The following CACNA2D3 variants were observed in gnomAD, a reference collection of about 807,000 sequenced individuals.
The protein encoded by CACNA2D3 is voltage-dependent calcium channel subunit alpha-2/delta-3.
Under a neutral mutation model 160.6 loss-of-function variants are expected in CACNA2D3, and 60 were observed. That is an observed-to-expected ratio of 0.37 (90% CI 0.30 to 0.46). The LOEUF (loss-of-function observed/expected upper bound fraction) is 0.46. Ranked by LOEUF, CACNA2D3 falls within the 20% of genes least tolerant of loss-of-function variation. The probability of loss-of-function intolerance (pLI) is 1.00; values close to 1 mark genes in which losing one functional copy is unlikely to be tolerated. For missense variants in CACNA2D3, 1,205 were observed against 1,365.0 expected (o/e 0.88, Z 1.85); for synonymous variants, 558 against 492.9 (o/e 1.13, Z -1.75).
intron 27 of CACNA2D3, among the ~76,000 whole-genome samples, chr3:54,938,655 C>T (rs1313887022): frequency 6.6e-6 from 1 of 151,452 alleles, no homozygotes; most frequent in Admixed American, 6.6e-5. Flanking sequence ...GATATAGACT[C>T]AGTGTCTTCT....
intron 11 of CACNA2D3, among the ~76,000 whole-genome samples, chr3:54,697,351 C>A (rs912323342): frequency 2.8e-4 from 42 of 152,292 alleles, no homozygotes; most frequent in African/African-American, 1.0e-3. Context: ...GAGTCAGACT[C>A]AGGTATCTGC....
intron 5 of CACNA2D3, among the ~76,000 whole-genome samples, chr3:54,509,687 G>A (rs192680534): frequency 1.3e-5 from 2 of 152,118 alleles, no homozygotes; most frequent in Non-Finnish European, 2.9e-5. Context: ...AGCAATATGA[G>A]CATAATAGGA....
intron 2 of CACNA2D3, among the ~76,000 whole-genome samples, chr3:54,195,462 G>A (rs1321632649): frequency 6.6e-6 from 1 of 152,212 alleles, no homozygotes; most frequent in Non-Finnish European, 1.5e-5. Flanking sequence ...ATCATGTTAT[G>A]TAATATTTAT....
chr3:55,067,196 T>C (rs1027167551), intron 35 of CACNA2D3, among the ~76,000 whole-genome samples: 2 of 152,174 alleles, frequency 1.3e-5, no homozygotes, highest in African/African-American at 4.8e-5. Flanking sequence ...TGTGGGACTT[T>C]GAAAACAATG....
At position 54,122,739 on chromosome 3, in the gene CACNA2D3, G is replaced by T; in HGVS notation, c.26G>T (p.Arg9Leu). Residue 9 changes from arginine to leucine, a missense_variant, in exon 1 of 38, where the codon CGC becomes CTC. Transcript: ENST00000474759. MAGPGSPR[R>L]ASRGASALLA... ...ATGGCCGGGCCGGGCTCGCCGCGCC[G>T]CGCGTCCCGGGGGGCCTCGGCGCTT... The T allele has an allele frequency of 8.2e-7, 1 of 1,214,284 alleles. No individual in the cohort carries two copies. The allele number at this position is 1,214,284 out of a possible 1,614,324, so 75.2% of individuals were successfully genotyped here. A position where few individuals can be genotyped will look rare whatever the true frequency, so the allele number is the denominator to read the frequency against.
intron 8 of CACNA2D3, among the ~76,000 whole-genome samples, chr3:54,573,536 CAG>C (rs1434847730): frequency 6.6e-6 from 1 of 152,190 alleles, no homozygotes; most frequent in Non-Finnish European, 1.5e-5. Context: ...ATTTGAATAA[CAG>C]AGCATTCCAT....
intron 35 of CACNA2D3, among the ~76,000 whole-genome samples, chr3:55,032,146 A>G (rs1329221413): frequency 6.6e-6 from 1 of 152,196 alleles, no homozygotes; most frequent in Non-Finnish European, 1.5e-5. Flanking sequence ...CTTGAGGCTC[A>G]GAGGAGTAAA....
intron 4 of CACNA2D3, among the ~76,000 whole-genome samples, chr3:54,456,101 T>C (rs955486272): frequency 1.3e-5 from 2 of 152,168 alleles, no homozygotes; most frequent in Admixed American, 6.6e-5. Flanking sequence ...CATTAGTATT[T>C]TGATAGAGAT....
chr3:54,366,568 C>T (rs1452329845), intron 3 of CACNA2D3, among the ~76,000 whole-genome samples: 1 of 152,146 alleles, frequency 6.6e-6, no homozygotes, highest in Admixed American at 6.5e-5. Context: ...GGAGATGTGC[C>T]AGCTCCACAT....
Position 54,806,990 on chromosome 3 carries a change from T to C in CACNA2D3, c.1381-9863T>C, listed in dbSNP as rs148158562. On this transcript the variant is annotated intron_variant, in intron 13 of 37. Coordinates refer to ENST00000474759, the MANE Select transcript of CACNA2D3 (RefSeq NM_018398.3). ...ACTTAATAAATGGTGCTGGGAAAAC[T>C]GGCTAGCCATGTGGAGAAAGCTGAA... Among the ~76,000 whole-genome samples the C allele has an allele frequency of 4.0e-3, 603 of 152,324 alleles. 6 individuals carry two copies. The highest frequency in any genetic ancestry group is 0.014 in the African/African-American group (587 of 41,576).
intron 14 of CACNA2D3, among the ~76,000 whole-genome samples, chr3:54,836,564 A>T (rs1262457578): frequency 6.6e-6 from 1 of 152,138 alleles, no homozygotes; most frequent in Non-Finnish European, 1.5e-5. Flanking sequence ...AGAAATGATT[A>T]CCTTCTTCAT....
chr3:54,984,614 A>G lies in CACNA2D3; in HGVS notation c.2563A>G (p.Asn855Asp), dbSNP rs1471309338. 6.5e-7 allele frequency: 1 copy of G among 1,543,150 alleles called. No individual in the cohort carries two copies. The highest frequency in any genetic ancestry group is 8.8e-7 in the Non-Finnish European group (1 of 1,137,742). ...TTTTTTTTTAATTTTCTAGACTGTG[A>G]ATTGTTACCTCATAGACAATAATGG... is the stretch of plus-strand genomic sequence containing the variant. ...CSISCDDETV[N>D]CYLIDNNGFI... Residue 855 changes from asparagine to aspartate, a missense_variant, in exon 30 of 38, where the codon AAT becomes GAT. By Grantham distance (23) the Asn-to-Asp change is conservative. Coordinates refer to ENST00000474759, the MANE Select transcript of CACNA2D3 (RefSeq NM_018398.3).
intron 11 of CACNA2D3, among the ~76,000 whole-genome samples, chr3:54,728,726 A>G (rs1701324747): frequency 6.6e-6 from 1 of 152,152 alleles, no homozygotes; most frequent in African/African-American, 2.4e-5. Context: ...TCTAATTACA[A>G]CTTGTTTATT....
At chr3:54,844,689 T>G (rs1163654616) in intron 16 of CACNA2D3, among the ~76,000 whole-genome samples, 4 of 152,150 alleles carry the variant, frequency 2.6e-5, no homozygotes, top group Non-Finnish European at 5.9e-5. Flanking sequence ...TCCTGATTAC[T>G]TATACTCAAC....
At chr3:54,380,936 A>C (rs959818124) in intron 3 of CACNA2D3, among the ~76,000 whole-genome samples, 3 of 152,178 alleles carry the variant, frequency 2.0e-5, no homozygotes, top group Non-Finnish European at 4.4e-5. Flanking sequence ...ACTAACTCCA[A>C]GTTAACCCTT....
At chr3:54,613,676 C>T (rs571498070) in intron 9 of CACNA2D3, among the ~76,000 whole-genome samples, 6 of 152,192 alleles carry the variant, frequency 3.9e-5, no homozygotes, top group Non-Finnish European at 7.3e-5. Flanking sequence ...ACACTGAATG[C>T]CTGGAAGTTC....
At chr3:54,346,259 C>T (rs1313215148) in intron 3 of CACNA2D3, among the ~76,000 whole-genome samples, 2 of 152,130 alleles carry the variant, frequency 1.3e-5, no homozygotes, top group African/African-American at 4.8e-5. Flanking sequence ...AGCAACCTGG[C>T]CCACTGCTCT....
chr3:54,642,304 G>C lies in CACNA2D3; in HGVS notation c.1167+63G>C, dbSNP rs988651055. ...TTGAGAATCTTTACTGTAATCTCCAGCTTGTCCATGAGTAAGTGCCTCATG... is the reference window on the plus strand; with the variant it reads ...TTGAGAATCTTTACTGTAATCTCCACCTTGTCCATGAGTAAGTGCCTCATG... On this transcript the variant is annotated intron_variant, in intron 11 of 37. Transcript: ENST00000474759. 11 of 904,764 alleles carry C rather than the reference G, an allele frequency of 1.2e-5. No individual in the cohort carries two copies. The Admixed American group carries it at 2.8e-4, about 23-fold the overall frequency. 56.0% of individuals were successfully genotyped at this position (904,764 alleles called of 1,614,324 possible).
intron 2 of CACNA2D3, among the ~76,000 whole-genome samples, chr3:54,174,342 A>G (rs987512879): frequency 1.3e-5 from 2 of 152,206 alleles, no homozygotes; most frequent in African/African-American, 4.8e-5. Flanking sequence ...ACAGACAGGC[A>G]AAAAGAAGAT....
Sources: allele counts gnomAD v4.1 joint callset (sites outside exome capture counted in the v4.1 genomes callset), GRCh38; gene constraint gnomAD v4.1.1; transcripts MANE v1.5; gene names NCBI Gene and HGNC (gene_info 2026-07-23, HGNC 2026-07-21).